The following PDE4D variants were observed in gnomAD, a reference collection of about 807,000 sequenced individuals.
PDE4D encodes 3',5'-cyclic-AMP phosphodiesterase 4D.
PDE4D carries 24 observed loss-of-function variants against 87.4 expected under a neutral mutation model. The ratio of observed to expected loss-of-function variants is 0.27; its 90% CI spans 0.20 to 0.39. The LOEUF is 0.39. Ranked by LOEUF, PDE4D falls within the 10% of genes least tolerant of loss-of-function variation. PDE4D has a pLI of 1.00. For missense variants in PDE4D, 714 were observed against 1,041.0 expected, an observed-to-expected ratio of 0.69 and a Z score of 4.32; for synonymous variants, 384 against 383.2, an observed-to-expected ratio of 1.00 and a Z score of -0.02.
chr5:59,887,440 G>A (rs913786198), intron 1 of PDE4D, among the ~76,000 whole-genome samples: 1 of 152,160 alleles, frequency 6.6e-6, no homozygotes, highest in Non-Finnish European at 1.5e-5. Flanking sequence ...GCTATTTGGT[G>A]TAATCCCTTA....
intron 2 of PDE4D, among the ~76,000 whole-genome samples, chr5:60,179,383 G>A (rs1784191564): frequency 6.6e-6 from 1 of 152,098 alleles, no homozygotes; most frequent in South Asian, 2.1e-4. Flanking sequence ...TTCCATTTAG[G>A]AAAGCTTTAA....
At chr5:60,268,292 G>A (rs1750454393) in intron 1 of PDE4D, among the ~76,000 whole-genome samples, 1 of 152,184 alleles carries the variant, frequency 6.6e-6, no homozygotes, top group Non-Finnish European at 1.5e-5. Context: ...ACAAAATTCA[G>A]TAATGGGAGG....
chr5:60,231,636 A>C (rs1745823067), intron 1 of PDE4D, among the ~76,000 whole-genome samples: 1 of 151,984 alleles, frequency 6.6e-6, no homozygotes, highest in Non-Finnish European at 1.5e-5. Context: ...AGACAAAGTA[A>C]CTGAAAATTC....
chr5:59,623,065 TAAC>T (rs1830514860), intron 1 of PDE4D, among the ~76,000 whole-genome samples: 2 of 152,194 alleles, frequency 1.3e-5, no homozygotes, highest in African/African-American at 2.4e-5. Context: ...AAATAAACAC[TAAC>T]CTTATTAAAT....
At chr5:58,999,602 C>T (rs996795557) in intron 6 of PDE4D, 411 of 1,218,590 alleles carry the variant, frequency 3.4e-4, no homozygotes, top group Non-Finnish European at 4.0e-4. Flanking sequence ...ATGTATTTAG[C>T]TTCAAAATCT....
At chr5:59,475,686 A>G (rs980717879) in intron 1 of PDE4D, among the ~76,000 whole-genome samples, 1 of 151,998 alleles carries the variant, frequency 6.6e-6, no homozygotes, top group Non-Finnish European at 1.5e-5. Context: ...AACAACAAAA[A>G]GGTTGGCTTA....
intron 2 of PDE4D, among the ~76,000 whole-genome samples, chr5:60,007,631 C>T (rs1238161717): frequency 6.6e-6 from 1 of 152,018 alleles, no homozygotes; most frequent in East Asian, 1.9e-4. Flanking sequence ...TAATCCCATT[C>T]TATGTCACTG....
intron 1 of PDE4D, among the ~76,000 whole-genome samples, chr5:59,803,306 C>CT (rs71606604): frequency 0.33 from 42,376 of 130,340 alleles, 7,342 homozygotes; most frequent in Non-Finnish European, 0.39. Context: ...CTAGAAACTC[C>CT]TTTTTTTTTT....
intron 3 of PDE4D, among the ~76,000 whole-genome samples, chr5:59,955,537 G>A (rs1397650547): frequency 2.6e-5 from 4 of 152,212 alleles, no homozygotes; most frequent in Middle Eastern, 3.4e-3. Flanking sequence ...TCCAGCTTTC[G>A]GGACACTGCA....
At chr5:59,369,472 G>A (rs1006227183) in intron 1 of PDE4D, among the ~76,000 whole-genome samples, 1 of 152,138 alleles carries the variant, frequency 6.6e-6, no homozygotes, top group African/African-American at 2.4e-5. Flanking sequence ...GCAGGAAGGC[G>A]ATTCTAGGAA....
rs1302352243 is a variant in PDE4D, at chr5:58,975,256, C to T, written c.2014-176G>A. Among the ~76,000 whole-genome samples, 1 of 152,128 alleles carries T rather than the reference C, an allele frequency of 6.6e-6. No individual in the cohort carries two copies. Among genetic ancestry groups the T allele is most frequent in the Non-Finnish European group, 1.5e-5 (1 of 68,018 alleles). On this transcript the variant is annotated intron_variant, in intron 14 of 14. Coordinates refer to ENST00000340635, the MANE Select transcript of PDE4D (RefSeq NM_001104631.2). This position sits in a 1 kb window ranked among gnomAD's most constrained non-coding sequence, Gnocchi z 4.2. ...GACCATTTAAAGTAAAGTATTGCTA[C>T]TAGCTGGTCAAAATTAGCTTCTAGA...
At chr5:59,638,072 A>G (rs1740902168) in intron 1 of PDE4D, among the ~76,000 whole-genome samples, 1 of 152,208 alleles carries the variant, frequency 6.6e-6, no homozygotes, top group African/African-American at 2.4e-5. Flanking sequence ...TGCCAAATAT[A>G]TTTCATAATA....
At chr5:59,728,729 T>C (rs1489571664) in intron 1 of PDE4D, among the ~76,000 whole-genome samples, 1 of 152,156 alleles carries the variant, frequency 6.6e-6, no homozygotes, top group African/African-American at 2.4e-5. Context: ...ATTTGTTTTC[T>C]GCACATCCTC....
intron 1 of PDE4D, among the ~76,000 whole-genome samples, chr5:60,349,205 C>T (rs1651401193): frequency 6.6e-6 from 1 of 152,116 alleles, no homozygotes; most frequent in Admixed American, 6.6e-5. Flanking sequence ...CCACTGAACA[C>T]ATCTGACTTA....
At chr5:59,105,785 C>G (rs1771483521) in intron 5 of PDE4D, among the ~76,000 whole-genome samples, 2 of 152,146 alleles carry the variant, frequency 1.3e-5, no homozygotes, top group African/African-American at 4.8e-5. Flanking sequence ...TTCTAACAAG[C>G]ACCGATGTGA....
intron 1 of PDE4D, among the ~76,000 whole-genome samples, chr5:59,371,759 C>T (rs1259384537): frequency 6.6e-6 from 1 of 152,144 alleles, no homozygotes; most frequent in East Asian, 1.9e-4. Flanking sequence ...TGGTGAGACA[C>T]AGTTATGAGT....
intron 1 of PDE4D, among the ~76,000 whole-genome samples, chr5:59,416,115 C>T (rs145873559): frequency 1.2e-4 from 18 of 152,280 alleles, no homozygotes; most frequent in East Asian, 5.8e-4. Context: ...CTCTCTTGTC[C>T]GGGTCAACAA....
intron 1 of PDE4D, among the ~76,000 whole-genome samples, chr5:59,365,004 T>C (rs1311056699): frequency 2.0e-5 from 3 of 152,176 alleles, no homozygotes; most frequent in Admixed American, 1.3e-4. Context: ...CAAAGAGAAC[T>C]TAGGGCTGAA....
intron 5 of PDE4D, among the ~76,000 whole-genome samples, chr5:59,148,909 C>T (rs1280073496): frequency 6.6e-6 from 1 of 152,072 alleles, no homozygotes; most frequent in Non-Finnish European, 1.5e-5. Flanking sequence ...TATGTAACCA[C>T]TGTTCAAAGG....
Sources: allele counts gnomAD v4.1 joint callset (sites outside exome capture counted in the v4.1 genomes callset), GRCh38; gene constraint gnomAD v4.1.1; non-coding constraint Gnocchi (gnomAD v3.1); transcripts MANE v1.5; gene names NCBI Gene and HGNC (gene_info 2026-07-23, HGNC 2026-07-21).